The following FAM184B variants were observed in gnomAD, a reference collection of about 807,000 sequenced individuals.
The protein encoded by FAM184B is protein FAM184B.
FAM184B carries 111 observed loss-of-function variants against 135.9 expected under a neutral mutation model. The ratio of observed to expected loss-of-function variants is 0.82; its 90% CI spans 0.70 to 0.96. The LOEUF (loss-of-function observed/expected upper bound fraction) is 0.96. Ranked by LOEUF, FAM184B falls within the 40% of genes least tolerant of loss-of-function variation. The pLI is 0.00. For missense variants in FAM184B, 1,375 were observed against 1,323.9 expected, an observed-to-expected ratio of 1.04 and a Z score of -0.60; for synonymous variants, 552 against 524.8, an observed-to-expected ratio of 1.05 and a Z score of -0.71.
chr4:17,737,604 G>A (rs1395036582), intron 1 of FAM184B, among the ~76,000 whole-genome samples: 1 of 152,144 alleles, frequency 6.6e-6, no homozygotes, highest in African/African-American at 2.4e-5. Flanking sequence ...TCCTCATTCT[G>A]TAATAAGGCA....
intron 7 of FAM184B, among the ~76,000 whole-genome samples, chr4:17,669,686 T>C (rs1013358007): frequency 1.3e-5 from 2 of 152,136 alleles, no homozygotes; most frequent in Admixed American, 1.3e-4. Context: ...CCTCTAACGA[T>C]AGAGCCTGAA....
At chr4:17,702,040 C>T (rs985572869) in intron 5 of FAM184B, among the ~76,000 whole-genome samples, 3 of 152,150 alleles carry the variant, frequency 2.0e-5, no homozygotes, top group Non-Finnish European at 4.4e-5. Flanking sequence ...GCGCAGGGCC[C>T]AGTGTGGGTG....
chr4:17,685,421 C>T (rs868111286), intron 7 of FAM184B, among the ~76,000 whole-genome samples: 6 of 151,408 alleles, frequency 4.0e-5, no homozygotes, highest in Non-Finnish European at 5.9e-5. Context: ...TGGTGGTGTG[C>T]GCCTATAGTC....
intron 7 of FAM184B, among the ~76,000 whole-genome samples, chr4:17,673,969 C>G (rs2191504): frequency 0.53 from 80,644 of 151,792 alleles, 23,521 homozygotes; most frequent in East Asian, 0.83. Flanking sequence ...AAGATTTTCC[C>G]AGACAAACAA....
chr4:17,730,539 G>A (rs1717752977), intron 1 of FAM184B, among the ~76,000 whole-genome samples: 1 of 152,204 alleles, frequency 6.6e-6, no homozygotes, highest in Admixed American at 6.5e-5. Context: ...CCCACAAAGG[G>A]AAGCCCATCA....
chr4:17,751,972 A>G (rs1205967079), intron 1 of FAM184B, among the ~76,000 whole-genome samples: 3 of 134,054 alleles, frequency 2.2e-5, no homozygotes, highest in East Asian at 4.1e-4. Flanking sequence ...AAAGATCAGG[A>G]AAAAAAAAAA....
rs968209927 is a variant in FAM184B at position 17,649,387 on chromosome 4, A to G, written c.2192-1596T>C. Among the ~76,000 whole-genome samples the G allele has an allele frequency of 4.6e-5, 7 of 150,590 alleles. No homozygotes were observed. In the East Asian group the frequency reaches 5.8e-4, roughly 13 times the overall value. On this transcript the variant is annotated intron_variant, in intron 11 of 17. Coordinates refer to ENST00000265018, the MANE Select transcript of FAM184B (RefSeq NM_015688.2). ...ATCACGAGGTCAGGAGATCGAGACC[A>G]TACTGGCTAACATGGTGAAACCCCG...
intron 12 of FAM184B, 62 bp from the exon 13 acceptor site, chr4:17,642,290 G>T: frequency 1.0e-5 from 14 of 1,406,934 alleles, no homozygotes; most frequent in Non-Finnish European, 1.3e-5. Context: ...GGCAGAAAGG[G>T]CCAGAGATGT....
At chr4:17,705,696 A>G (rs1432948724) in intron 4 of FAM184B, 56 bp downstream of exon 4, 7 of 1,543,306 alleles carry the variant, frequency 4.5e-6, no homozygotes, top group African/African-American at 1.4e-5. Context: ...GACGCTTATA[A>G]TAGATAGCAA....
chr4:17,686,327 C>G (rs1002269285), intron 7 of FAM184B, among the ~76,000 whole-genome samples: 3 of 152,334 alleles, frequency 2.0e-5, no homozygotes, highest in African/African-American at 7.2e-5. Context: ...GATGAGGGTG[C>G]CTCTGCTCCT....
At chr4:17,726,513 A>T (rs1462452351) in intron 1 of FAM184B, among the ~76,000 whole-genome samples, 1 of 152,098 alleles carries the variant, frequency 6.6e-6, no homozygotes, top group Non-Finnish European at 1.5e-5. Flanking sequence ...CTGGGATTAC[A>T]GGTATGTGCC....
chr4:17,672,750 CT>C (rs1187303960), intron 7 of FAM184B, among the ~76,000 whole-genome samples: 1 of 152,128 alleles, frequency 6.6e-6, no homozygotes, highest in Non-Finnish European at 1.5e-5. Flanking sequence ...GGCGAATCAT[CT>C]TTTTGATATG....
rs137938620 is a variant in FAM184B, at chr4:17,693,876, C to A, written c.1378-464G>T. Among the ~76,000 whole-genome samples the A allele has an allele frequency of 8.4e-3, 1,282 of 152,200 alleles. 29 individuals carry two copies. Among genetic ancestry groups the A allele is most frequent in the Admixed American group, 0.045 (692 of 15,290 alleles). ...CCTGTAATCCCAGCACTTTAGGAGG[C>A]TGAGGCAAGTGGATTGCTTGAGTCC... is the stretch of plus-strand genomic sequence containing the variant. On this transcript the variant is annotated intron_variant, in intron 5 of 17. Transcript: ENST00000265018.
chr4:17,724,104 CAAA>C (rs1305193623), intron 1 of FAM184B, among the ~76,000 whole-genome samples: 1 of 124,816 alleles, frequency 8.0e-6, no homozygotes, highest in Non-Finnish European at 1.8e-5. Flanking sequence ...GGCAAAAAAA[CAAA>C]ATCTCACACA....
At chr4:17,774,623 C>A (rs1473841632) in intron 1 of FAM184B, among the ~76,000 whole-genome samples, 2 of 152,214 alleles carry the variant, frequency 1.3e-5, no homozygotes, top group Non-Finnish European at 2.9e-5. Flanking sequence ...TGGTTCTCAA[C>A]CCTGTCAGCA....
Position 17,709,048 on chromosome 4 carries a change from C to T in FAM184B, c.738G>A (p.Gln246=), listed in dbSNP as rs1717186280. 1 of 1,550,398 alleles carries T rather than the reference C, an allele frequency of 6.4e-7. No individual in the cohort carries two copies. The highest frequency in any genetic ancestry group is 2.0e-5 in the Admixed American group (1 of 50,980). ...GGAGGTCCGACTCCTTCTCCTGCCACTGCCACAGGGCCTGGCTCACCGACT... is the reference window on the plus strand; with the variant it reads ...GGAGGTCCGACTCCTTCTCCTGCCATTGCCACAGGGCCTGGCTCACCGACT... ...MQQSVSQALW[Q]WQEKESDLRK... is the part of the protein sequence containing the mutation. The change falls in exon 2 of 18, where the codon CAG becomes CAA. Residue 246 remains glutamine, a synonymous_variant. Transcript: ENST00000265018.
intron 1 of FAM184B, among the ~76,000 whole-genome samples, chr4:17,772,669 C>A (rs1718843943): frequency 6.6e-6 from 1 of 152,228 alleles, no homozygotes; most frequent in Admixed American, 6.5e-5. Context: ...ACTGATCTAA[C>A]TGAAATGCAA....
intron 1 of FAM184B, among the ~76,000 whole-genome samples, chr4:17,760,315 T>A (rs1718516109): frequency 6.6e-6 from 1 of 151,664 alleles, no homozygotes; most frequent in African/African-American, 2.4e-5. Flanking sequence ...AATACAAAAA[T>A]TAGCTGGCAT....
At chr4:17,723,123 C>A (rs573521008) in intron 1 of FAM184B, among the ~76,000 whole-genome samples, 1 of 152,178 alleles carries the variant, frequency 6.6e-6, no homozygotes, top group East Asian at 1.9e-4. Flanking sequence ...TGTGTGCTAC[C>A]ATTATTTTTG....
Sources: gnomAD v4.1 joint callset for allele counts (sites outside exome capture counted in the v4.1 genomes callset) on GRCh38, gnomAD v4.1.1 for gene constraint, MANE v1.5 for transcripts, NCBI Gene and HGNC (gene_info 2026-07-23, HGNC 2026-07-21) for gene names.